The following RBFOX1 variants were observed in gnomAD, a reference collection of about 807,000 sequenced individuals.
RBFOX1 encodes the protein RNA binding fox-1 homolog 1.
RBFOX1 carries 8 observed loss-of-function variants against 57.7 expected under a neutral mutation model. The observed-to-expected ratio is 0.14, with a 90% CI of 0.08 to 0.25. The LOEUF (loss-of-function observed/expected upper bound fraction) is 0.25. Ranked by LOEUF, RBFOX1 falls within the 10% of genes least tolerant of loss-of-function variation. RBFOX1 has a pLI of 1.00. For missense variants in RBFOX1, 611 were observed against 548.5 expected, an observed-to-expected ratio of 1.11 and a Z score of -1.14; for synonymous variants, 326 against 222.4, an observed-to-expected ratio of 1.47 and a Z score of -4.15.
intron 1 of RBFOX1, among the ~76,000 whole-genome samples, chr16:6,283,924 G>A (rs1180316974): frequency 6.6e-6 from 1 of 152,200 alleles, no homozygotes; most frequent in African/African-American, 2.4e-5. Flanking sequence ...CTTATTTGGA[G>A]GGAACAAGAA....
intron 1 of RBFOX1, chr16:5,366,297 T>A: frequency 2.7e-6 from 1 of 364,842 alleles, no homozygotes; most frequent in South Asian, 2.3e-5. Context: ...TCATGACGAT[T>A]TTGATGATGA....
At chr16:6,645,623 G>A (rs1457581611) in intron 2 of RBFOX1, among the ~76,000 whole-genome samples, 4 of 152,170 alleles carry the variant, frequency 2.6e-5, no homozygotes, top group African/African-American at 4.8e-5. Context: ...GTGCTTTGAT[G>A]TCTAAAATCT....
intron 3 of RBFOX1, among the ~76,000 whole-genome samples, chr16:7,008,574 TAATTCAAGA>T (rs943721906): frequency 2.0e-5 from 3 of 151,344 alleles, no homozygotes; most frequent in African/African-American, 7.3e-5. Context: ...CAAGAGTAAA[TAATTCAAGA>T]AATTCAAGGT....
At chr16:5,886,796 G>T (rs1370581699) in intron 4 of RBFOX1, among the ~76,000 whole-genome samples, 2 of 152,240 alleles carry the variant, frequency 1.3e-5, no homozygotes, top group African/African-American at 4.8e-5. Context: ...GCTGAGGCAG[G>T]GGAATCACTT....
intron 2 of RBFOX1, among the ~76,000 whole-genome samples, chr16:5,547,149 A>G (rs956021975): frequency 6.6e-6 from 1 of 152,214 alleles, no homozygotes; most frequent in Admixed American, 6.5e-5. Context: ...TACATTGCTT[A>G]TGAGAATGTA....
At chr16:6,714,581 G>A (rs1017130902) in intron 3 of RBFOX1, among the ~76,000 whole-genome samples, 2 of 152,094 alleles carry the variant, frequency 1.3e-5, no homozygotes, top group African/African-American at 2.4e-5. Flanking sequence ...TTTTCCTGCT[G>A]CACAGGTAGG....
At chr16:5,466,119 A>G (rs1313817861) in intron 1 of RBFOX1, among the ~76,000 whole-genome samples, 1 of 152,224 alleles carries the variant, frequency 6.6e-6, no homozygotes, top group Non-Finnish European at 1.5e-5. Flanking sequence ...TAGGTGGGAA[A>G]TCGTCTTGTT....
At chr16:7,705,903 A>C (rs2082277690) in intron 14 of RBFOX1, among the ~76,000 whole-genome samples, 1 of 152,200 alleles carries the variant, frequency 6.6e-6, no homozygotes, top group South Asian at 2.1e-4. Context: ...CATGGAGATC[A>C]TCATGATCTG....
chr16:7,011,075 T>G (rs1481156333), intron 3 of RBFOX1, among the ~76,000 whole-genome samples: 2 of 152,082 alleles, frequency 1.3e-5, no homozygotes, highest in Non-Finnish European at 2.9e-5. Flanking sequence ...TTCATTTTTT[T>G]TTTTTTCCTG....
Position 5,559,845 on chromosome 16 carries a change from T to G in RBFOX1, c.259-39057T>G, listed in dbSNP as rs146861930. On this transcript the variant is annotated intron_variant, in intron 2 of 2. Coordinates refer to the RBFOX1 transcript ENST00000585867. ...GCACGGACTAGCCCCTGCCTACTTC[T>G]GCAAGCTCACATCATACCCTTAACT... Among the ~76,000 whole-genome samples, 153 of 152,276 alleles carry G rather than the reference T, an allele frequency of 1.0e-3. 1 individual carries two copies. The highest frequency in any genetic ancestry group is 3.5e-3 in the African/African-American group (146 of 41,574).
rs74996152 is a variant in RBFOX1 at position 7,063,900 on chromosome 16, A to G, written c.27+11802A>G. On this transcript the variant is annotated intron_variant, in intron 4 of 15. Transcript: ENST00000550418. ...TGCAAATATCACTCCATTTTATATC[A>G]GAGACCTCATTTTATATCAGCATCC... Among the ~76,000 whole-genome samples, 1,256 of 152,324 alleles carry G rather than the reference A, an allele frequency of 8.2e-3. 17 individuals carry two copies. Among genetic ancestry groups the G allele is most frequent in the African/African-American group, 0.028 (1,179 of 41,552 alleles).
Position 7,619,453 on chromosome 16 carries a change from C to T in RBFOX1, c.677-11150C>T, listed in dbSNP as rs372096639. ...CACTCTTTGAGAGATTGAAAGGTGA[C>T]GTGTATTTTCTACTCTCACCAAAAA... On this transcript the variant is annotated intron_variant, in intron 10 of 15. Transcript: ENST00000550418. 1.4e-4 allele frequency among the ~76,000 whole-genome samples: 22 copies of T among 152,132 alleles called. No individual in the cohort carries two copies. In the South Asian group the frequency reaches 1.7e-3, roughly 11 times the overall value.
At chr16:6,579,896 T>C (rs544305246) in intron 2 of RBFOX1, among the ~76,000 whole-genome samples, 1 of 152,232 alleles carries the variant, frequency 6.6e-6, no homozygotes, top group East Asian at 1.9e-4. Context: ...TTCAGTCCTT[T>C]TTAAAGTGGT....
At chr16:5,297,319 C>G (rs1406837847) in intron 1 of RBFOX1, among the ~76,000 whole-genome samples, 2 of 152,174 alleles carry the variant, frequency 1.3e-5, no homozygotes, top group Admixed American at 6.5e-5. Flanking sequence ...TTTGAGGAAT[C>G]TCTGTACTAT....
chr16:7,406,877 C>T (rs1280711676), intron 4 of RBFOX1, among the ~76,000 whole-genome samples: 7 of 152,134 alleles, frequency 4.6e-5, no homozygotes, highest in Admixed American at 1.3e-4. Context: ...TTTCTAGAGG[C>T]CACCTGCTTT....
chr16:6,634,933 T>G (rs910496068), intron 2 of RBFOX1, among the ~76,000 whole-genome samples: 6 of 140,592 alleles, frequency 4.3e-5, no homozygotes, highest in African/African-American at 1.5e-4. Flanking sequence ...ATAATATAAT[T>G]TAAATTAGTA....
chr16:7,003,076 T>C (rs143464466), intron 3 of RBFOX1, among the ~76,000 whole-genome samples: 309 of 151,994 alleles, frequency 2.0e-3, no homozygotes, highest in Admixed American at 0.018. Context: ...GGTTATACAA[T>C]CAGGCCATGA....
chr16:6,418,552 C>G (rs981354979), intron 2 of RBFOX1, among the ~76,000 whole-genome samples: 3 of 120,722 alleles, frequency 2.5e-5, no homozygotes, highest in African/African-American at 1.0e-4. Flanking sequence ...TTGACAGAGT[C>G]TGGCTCAGTC....
At chr16:6,453,175 C>T (rs2094677162) in intron 2 of RBFOX1, among the ~76,000 whole-genome samples, 1 of 152,018 alleles carries the variant, frequency 6.6e-6, no homozygotes, top group Admixed American at 6.5e-5. Context: ...AAGTTCGTTA[C>T]ATAGGTATAC....
Sources: allele counts gnomAD v4.1 joint callset (sites outside exome capture counted in the v4.1 genomes callset), GRCh38; gene constraint gnomAD v4.1.1; transcripts MANE v1.5; gene names NCBI Gene and HGNC (gene_info 2026-07-23, HGNC 2026-07-21).